Variants in MZT2A observed in about 807,000 individuals in gnomAD.
MZT2A encodes mitotic-spindle organizing protein 2A.
Under a neutral mutation model 12.4 loss-of-function variants are expected in MZT2A, and 8 were observed. That is an observed-to-expected ratio of 0.64 (90% CI 0.38 to 1.16). The LOEUF (loss-of-function observed/expected upper bound fraction) is 1.16. MZT2A is among the 50% of genes most tolerant of loss of function. MZT2A has a pLI of 0.01. For missense variants in MZT2A, 181 were observed against 223.6 expected (o/e 0.81, Z 1.22); for synonymous variants, 88 against 107.5 (o/e 0.82, Z 1.12).
downstream of MZT2A, chr2:131,480,818 C>T: frequency 6.4e-7 from 1 of 1,562,570 alleles, no homozygotes. Context: ...GCCCTGAAGG[C>T]CCACATCCTT....
At chr2:131,475,160 A>G (rs1177797869) in intron 2 of MZT2A, among the ~76,000 whole-genome samples, 1 of 151,256 alleles carries the variant, frequency 6.6e-6, no homozygotes, top group Non-Finnish European at 1.5e-5. Context: ...TTTTGTAAAA[A>G]CGGGCAAGGT....
downstream of MZT2A, chr2:131,482,611 G>A (rs1311042813): frequency 1.2e-6 from 2 of 1,614,098 alleles, no homozygotes; most frequent in Non-Finnish European, 1.7e-6. Context: ...CCAAGGTGCA[G>A]CGGGCCGTGT....
At chr2:131,475,966 A>C (rs909890586) in intron 2 of MZT2A, 2 of 755,628 alleles carry the variant, frequency 2.6e-6, no homozygotes, top group Admixed American at 2.9e-5. Flanking sequence ...CCTTCCCGCC[A>C]ATCCTACATC....
chr2:131,485,036 TGA>T (rs1334604422), intron 2 of MZT2A, among the ~76,000 whole-genome samples: 3 of 152,226 alleles, frequency 2.0e-5, no homozygotes, highest in Non-Finnish European at 2.9e-5. Flanking sequence ...TCGGCAAGAC[TGA>T]GAGGACCCTC....
upstream of MZT2A, chr2:131,492,790 T>TG (rs1001427922): frequency 2.6e-4 from 175 of 663,448 alleles, no homozygotes; most frequent in Admixed American, 3.4e-3. Context: ...TCGGGGGGGG[T>TG]GGGGGGCACT....
rs1401682088 is a variant in MZT2A, at chr2:131,472,143, T to C, written c.320A>G (p.Lys107Arg). Residue 107 changes from lysine to arginine, a missense_variant and NMD_transcript_variant, in exon 3 of 5, where the codon AAG (lysine) becomes AGG (arginine). Physicochemically the swap from Lys to Arg is conservative, Grantham distance 26. Coordinates refer to the MZT2A transcript ENST00000427024. ...GCCCCCGTAGCTGCTGTGTGAAATC[T>C]TGTTGAGGCGCCGCCTTGTCCTCAA... The C allele has an allele frequency of 2.3e-6, 3 of 1,289,986 alleles. No individual in the cohort carries two copies. In the African/African-American group the frequency reaches 4.5e-5, roughly 20 times the overall value. The allele number at this position is 1,289,986 out of a possible 1,614,324, so 79.9% of individuals were successfully genotyped here. A position where few individuals can be genotyped will look rare whatever the true frequency, so the allele number is the denominator to read the frequency against.
upstream of MZT2A, chr2:131,493,269 G>T: frequency 7.5e-7 from 1 of 1,334,762 alleles, no homozygotes; most frequent in African/African-American, 1.5e-5. Flanking sequence ...TGCCCAGGCC[G>T]GGCAGGCTGG....
intron 2 of MZT2A, chr2:131,478,513 T>C (rs1413998382): frequency 1.9e-5 from 27 of 1,388,198 alleles, no homozygotes; most frequent in Non-Finnish European, 2.5e-5. Flanking sequence ...CCCATGGCAT[T>C]GTTAGGAGAG....
chr2:131,484,250 T>C (rs746582170), intron 2 of MZT2A, 32 bp from the exon 3 acceptor site: 1 of 1,605,442 alleles, frequency 6.2e-7, no homozygotes, highest in South Asian at 1.1e-5. Flanking sequence ...TGATTAGGAA[T>C]GGACGCGCCC....
At chr2:131,486,174 A>G (rs1372230852) in intron 2 of MZT2A, among the ~76,000 whole-genome samples, 1 of 151,420 alleles carries the variant, frequency 6.6e-6, no homozygotes. Flanking sequence ...ACCTCAGCCC[A>G]GCAGTGACTA....
chr2:131,488,304 G>C (rs971546483), intron 2 of MZT2A, among the ~76,000 whole-genome samples: 3 of 152,176 alleles, frequency 2.0e-5, no homozygotes, highest in Non-Finnish European at 2.9e-5. Flanking sequence ...ACCAAGACAA[G>C]CATCGACCCT....
At chr2:131,474,287 C>T (rs1403006949) in intron 2 of MZT2A, among the ~76,000 whole-genome samples, 5 of 151,670 alleles carry the variant, frequency 3.3e-5, no homozygotes. Context: ...TTAGTAGAGA[C>T]GGGGTTTTAC....
chr2:131,475,136 TA>T (rs1191728872), intron 2 of MZT2A, among the ~76,000 whole-genome samples: 3 of 138,924 alleles, frequency 2.2e-5, no homozygotes, highest in Non-Finnish European at 4.5e-5. Flanking sequence ...AATTTTATTT[TA>T]TTTTTTTGTA....
At chr2:131,492,999 G>C (rs1261399596), upstream of MZT2A, 2 of 1,515,364 alleles carry the variant, frequency 1.3e-6, no homozygotes, top group East Asian at 5.0e-5. Flanking sequence ...TACCTTTTGA[G>C]GTAACGGCCC....
chr2:131,471,977 C>T (rs1704996079), intron 3 of MZT2A: 1 of 1,167,026 alleles, frequency 8.6e-7, no homozygotes, highest in Non-Finnish European at 1.1e-6. Flanking sequence ...GCAGGAGTCC[C>T]AAGGAGGTCT....
At chr2:131,486,860 T>C (rs1679071257) in intron 2 of MZT2A, among the ~76,000 whole-genome samples, 1 of 152,220 alleles carries the variant, frequency 6.6e-6, no homozygotes, top group African/African-American at 2.4e-5. Flanking sequence ...CCGTAAGCCA[T>C]AACTGATATT....
intron 1 of MZT2A, 72 bp from the exon 2 acceptor site, chr2:131,492,096 G>C: frequency 8.9e-6 from 14 of 1,565,592 alleles, no homozygotes; most frequent in Admixed American, 1.9e-5. Context: ...GACCGGACAA[G>C]GACGGGGGCG....
At chr2:131,489,944 T>C in intron 2 of MZT2A, 1 of 977,296 alleles carries the variant, frequency 1.0e-6, no homozygotes. Context: ...CAGCAACATC[T>C]CCTGGAGTGA....
chr2:131,492,024 C>A lies in MZT2A; in HGVS notation c.171G>T (p.Lys57Asn). ...AGGGIDPDVF[K>N]ILVDLLKLNV... ...TCAGCTTCAGCAGGTCCACCAGGAT[C>A]CTGGCGGGGACAGACGCGGGGCCGG... The change falls in exon 2 of 3, where the codon AAG becomes AAT. Residue 57 changes from lysine to asparagine, a missense_variant and splice_region_variant. Around this residue, in one of 3 missense-constraint regions of MZT2A, gnomAD observed 106 missense variants for 127.2 expected, o/e 0.83. Transcript: ENST00000309451. The A allele has an allele frequency of 2.6e-6, 4 of 1,540,454 alleles. No homozygotes were observed. The highest frequency in any genetic ancestry group is 3.5e-6 in the Non-Finnish European group (4 of 1,143,612).
Sources: gnomAD v4.1 joint callset for allele counts (sites outside exome capture counted in the v4.1 genomes callset) on GRCh38, gnomAD v4.1.1 for gene constraint, gnomAD v4.1.1 regional missense constraint, MANE v1.5 for transcripts, NCBI Gene and HGNC (gene_info 2026-07-23, HGNC 2026-07-21) for gene names.